Variants in NCKIPSD observed in about 807,000 individuals in gnomAD.
NCKIPSD encodes NCK interacting protein with SH3 domain.
NCKIPSD carries 48 observed loss-of-function variants against 73.4 expected under a neutral mutation model. That is an observed-to-expected ratio of 0.65 (90% CI 0.52 to 0.83). The LOEUF is 0.83. Among genes scored for constraint, NCKIPSD ranks in the 40% least tolerant of loss-of-function variants. The pLI is 0.00. For missense variants in NCKIPSD, 884 were observed against 970.2 expected, an observed-to-expected ratio of 0.91 and a Z score of 1.18; for synonymous variants, 422 against 403.6, an observed-to-expected ratio of 1.05 and a Z score of -0.54.
chr3:48,679,164 G>T lies in NCKIPSD; in HGVS notation c.1590C>A (p.Phe530Leu). 6.2e-7 allele frequency: 1 copy of T among 1,614,090 alleles called. No individual in the cohort carries two copies. Among genetic ancestry groups the T allele is most frequent in the South Asian group, 1.1e-5 (1 of 91,070 alleles). Residue 530 changes from phenylalanine to leucine, a missense_variant, in exon 10 of 13, where the codon TTC (phenylalanine) becomes TTA (leucine). Transcript: ENST00000294129. ...CGACGATGTTCAGTAGGAACTGGGC[G>T]AAAGGCGTGCCCAGGTGCTCTGGGA... ...YAHYEHLGTP[F>L]AQFLLNIVED...
intron 5 of NCKIPSD, 137 bp from the exon 6 acceptor site, chr3:48,680,366 A>G: frequency 1.0e-6 from 1 of 988,576 alleles, no homozygotes; most frequent in Admixed American, 3.1e-5. Context: ...ACTGGACAGG[A>G]GGCTCAACTC....
chr3:48,681,151 A>G (rs1248942928), intron 5 of NCKIPSD, 136 bp downstream of exon 5: 2 of 1,317,488 alleles, frequency 1.5e-6, no homozygotes, highest in Non-Finnish European at 2.0e-6. Context: ...AATCAGCTCA[A>G]CGTCCCCAGT....
Position 48,681,232 on chromosome 3 carries a change from G to A in NCKIPSD, c.1092+55C>T, listed in dbSNP as rs780124669. The stretch of plus-strand genomic sequence containing the variant: ...TAATGTACAGGCTGGACAAGTGTGT[G>A]ACGGTGGGAACAGGGTGGGTAGCAG... On this transcript the variant is annotated intron_variant, in intron 5 of 12. Coordinates refer to ENST00000294129, the MANE Select transcript of NCKIPSD (RefSeq NM_016453.4). The A allele has an allele frequency of 7.9e-6, 12 of 1,516,640 alleles. No individual in the cohort carries two copies. The South Asian group carries it at 1.6e-4, about 20-fold the overall frequency. The allele number at this position is 1,516,640 out of a possible 1,614,324, so 93.9% of individuals were successfully genotyped here.
At position 48,678,558 on chromosome 3, in the gene NCKIPSD, A is replaced by AG. The variant is rs760559846; in HGVS notation, c.1965+5dup. Reference sequence around the variant, plus strand: ...GACCCCCGCTGCTGCAGCCACCTCCAGGCACCTTGTCTCCTGGTGACAGGT... The same window carrying AG: ...GACCCCCGCTGCTGCAGCCACCTCCAGGGCACCTTGTCTCCTGGTGACAGGT... On this transcript the variant is annotated splice_donor_region_variant and intron_variant, in intron 12 of 12. Coordinates refer to ENST00000294129, the MANE Select transcript of NCKIPSD (RefSeq NM_016453.4). The AG allele has an allele frequency of 1.2e-6, 2 of 1,605,676 alleles. No individual in the cohort carries two copies. Among genetic ancestry groups the AG allele is most frequent in the South Asian group, 1.1e-5 (1 of 90,242 alleles).
At chr3:48,676,926 A>G (rs2077264473) in intron 12 of NCKIPSD, among the ~76,000 whole-genome samples, 1 of 151,906 alleles carries the variant, frequency 6.6e-6, no homozygotes, top group Non-Finnish European at 1.5e-5. Context: ...TCCCACCACC[A>G]TACCCAGCTA....
At chr3:48,684,196 A>G (rs1291065934) in intron 1 of NCKIPSD, among the ~76,000 whole-genome samples, 2 of 152,190 alleles carry the variant, frequency 1.3e-5, no homozygotes, top group Non-Finnish European at 1.5e-5. Context: ...AGAGAGGCAC[A>G]GAGTCGCAGC....
At position 48,685,904 on chromosome 3, in the gene NCKIPSD, G is replaced by GCGGTTGTCCCGCCCCGCGGT; in HGVS notation, c.-98_-97insACCGCGGGGCGGGACAACCG. 8.3e-7 allele frequency: 1 copy of GCGGTTGTCCCGCCCCGCGGT among 1,203,356 alleles called. No individual in the cohort carries two copies. Among genetic ancestry groups the GCGGTTGTCCCGCCCCGCGGT allele is most frequent in the South Asian group, 2.1e-5 (1 of 47,450 alleles). The allele number at this position is 1,203,356 out of a possible 1,614,324, so 74.5% of individuals were successfully genotyped here. A position where few individuals can be genotyped will look rare whatever the true frequency, so the allele number is the denominator to read the frequency against. On this transcript the variant is annotated 5_prime_UTR_variant, in exon 1 of 13. Coordinates refer to ENST00000294129, the MANE Select transcript of NCKIPSD (RefSeq NM_016453.4). ...AGCCGCGCCGCGGTTGTCCCGCCCC[G>GCGGTTGTCCCGCCCCGCGGT]TGACACACTACGCAGGCGCGCGCGC...
intron 9 of NCKIPSD, 30 bp downstream of exon 9, chr3:48,679,347 T>C: frequency 1.2e-6 from 2 of 1,613,636 alleles, no homozygotes; most frequent in South Asian, 1.1e-5. Context: ...TTAGGACCTG[T>C]GATCAGCTGG....
intron 12 of NCKIPSD, among the ~76,000 whole-genome samples, chr3:48,676,566 G>A (rs2077259721): frequency 6.6e-6 from 1 of 152,112 alleles, no homozygotes. Context: ...ATGCAGCCTT[G>A]ACCTCCTGGG....
chr3:48,676,172 T>A (rs1014510296), intron 12 of NCKIPSD, among the ~76,000 whole-genome samples: 11 of 152,072 alleles, frequency 7.2e-5, no homozygotes, highest in African/African-American at 2.7e-4. Context: ...TCCCTTAGAG[T>A]AGTAATAATG....
rs1419063277 is a variant in NCKIPSD at position 48,682,123 on chromosome 3, G to C, written c.520C>G (p.Pro174Ala). Residue 174 changes from proline to alanine, a missense_variant, in exon 4 of 13, where the codon CCT becomes GCT. Pro to Ala is a conservative substitution (Grantham distance 27, BLOSUM62 -1). Coordinates refer to ENST00000294129, the MANE Select transcript of NCKIPSD (RefSeq NM_016453.4). The stretch of plus-strand genomic sequence containing the variant: ...GGTGTGGTGGGTGCTGCTCGGCGAG[G>C]CTGTGGTGGGATCTGGGAAGATGGA... The part of the protein sequence containing the change: ...PLPSSQIPPQ[P>A]RRAAPTTPPP... The C allele has an allele frequency of 6.2e-7, 1 of 1,600,470 alleles. No individual in the cohort carries two copies. The highest frequency in any genetic ancestry group is 8.5e-7 in the Non-Finnish European group (1 of 1,179,676).
chr3:48,681,690 G>C lies in NCKIPSD; in HGVS notation c.689C>G (p.Ser230Cys). 1 of 1,593,834 alleles carries C rather than the reference G, an allele frequency of 6.3e-7. No individual in the cohort carries two copies. Among genetic ancestry groups the C allele is most frequent in the Non-Finnish European group, 8.5e-7 (1 of 1,170,322 alleles). ...STSLDTLYTS[S>C]SPSEPGSSCS... ...GCTGGAGCCTGGTTCAGATGGGCTGGAGCTGGTATAGAGCGTGTCCAGGGA... is the reference window on the plus strand; with the variant it reads ...GCTGGAGCCTGGTTCAGATGGGCTGCAGCTGGTATAGAGCGTGTCCAGGGA... Residue 230 changes from serine (S) to cysteine (C), a missense_variant, in exon 5 of 13, where the codon TCC (serine) becomes TGC (cysteine). Ser to Cys is a moderately radical substitution (Grantham distance 112, BLOSUM62 -1). Coordinates refer to ENST00000294129, the MANE Select transcript of NCKIPSD (RefSeq NM_016453.4).
chr3:48,679,649 G>A lies in NCKIPSD; in HGVS notation c.1415C>T (p.Ala472Val). 1.2e-6 allele frequency: 2 copies of A among 1,614,220 alleles called. No homozygotes were observed. The highest frequency in any genetic ancestry group is 1.1e-5 in the South Asian group (1 of 91,086). The stretch of plus-strand genomic sequence containing the variant: ...TGACACAAGCGTGGAGATGATGGCT[G>A]CATCCAGGCTGCACATGGCGCCAAA... ...KCFGAMCSLDAAIISTLVSSV... is the reference protein window; with the variant it reads ...KCFGAMCSLDVAIISTLVSSV... Residue 472 changes from alanine (A) to valine (V), a missense_variant, in exon 8 of 13, where the codon GCA (alanine) becomes GTA (valine). Physicochemically the swap from Ala to Val is moderately conservative, Grantham distance 64. Transcript: ENST00000294129.
chr3:48,680,011 G>C (rs2077324823), intron 6 of NCKIPSD, 48 bp downstream of exon 6: 9 of 1,602,534 alleles, frequency 5.6e-6, no homozygotes, highest in African/African-American at 1.3e-5. Context: ...TACAGGGTGG[G>C]GGCCACTGTT....
chr3:48,676,771 G>A (rs1482791549), intron 12 of NCKIPSD, among the ~76,000 whole-genome samples: 2 of 151,862 alleles, frequency 1.3e-5, no homozygotes, highest in African/African-American at 2.4e-5. Flanking sequence ...GGGATTATAG[G>A]CGTGAGCCAC....
At chr3:48,684,023 G>C (rs1401682399) in intron 1 of NCKIPSD, among the ~76,000 whole-genome samples, 15 of 144,064 alleles carry the variant, frequency 1.0e-4, no homozygotes, top group African/African-American at 1.4e-4. Flanking sequence ...CACACACAGA[G>C]AGAGAGAGAA....
rs200022611 is a variant in NCKIPSD at position 48,678,758 on chromosome 3, G to A, written c.1793-22C>T. On this transcript the variant is annotated intron_variant, in intron 11 of 12. Coordinates refer to ENST00000294129, the MANE Select transcript of NCKIPSD (RefSeq NM_016453.4). ...TCATCTAGGAGGCAGGGGTCATAGC[G>A]GTCAGGGTGGACCTTGTGGGGATCC... The A allele has an allele frequency of 2.5e-5, 41 of 1,611,948 alleles. 1 individual carries two copies. In the African/African-American group the frequency reaches 4.3e-4, roughly 17 times the overall value.
Position 48,681,116 on chromosome 3 carries a change from G to A in NCKIPSD, c.1092+171C>T, listed in dbSNP as rs760152017. 8 of 1,058,994 alleles carry A rather than the reference G, an allele frequency of 7.6e-6. No individual in the cohort carries two copies. In the Admixed American group the frequency reaches 1.5e-4, roughly 20 times the overall value. The allele number at this position is 1,058,994 out of a possible 1,614,324, so 65.6% of individuals were successfully genotyped here. On this transcript the variant is annotated intron_variant, in intron 5 of 12. Transcript: ENST00000294129. ...TCCAGGCTGCGCATCTGCCTGGAAT[G>A]CTTGTCCTTCCTTTCTGCTTCAGAA...
chr3:48,683,024 A>T lies in NCKIPSD; in HGVS notation c.172-12T>A. ...TCCTGCTCCAGGCCCTGGGGGGGGC[A>T]GGGGACAGCAGTTAGACCTGAAGGC... On this transcript the variant is annotated splice_polypyrimidine_tract_variant and intron_variant, in intron 1 of 12. Coordinates refer to ENST00000294129, the MANE Select transcript of NCKIPSD (RefSeq NM_016453.4). 1 of 1,548,890 alleles carries T rather than the reference A, an allele frequency of 6.5e-7. No individual in the cohort carries two copies. The highest frequency in any genetic ancestry group is 1.2e-5 in the South Asian group (1 of 84,038).
Sources: allele counts gnomAD v4.1 joint callset (sites outside exome capture counted in the v4.1 genomes callset), GRCh38; gene constraint gnomAD v4.1.1; transcripts MANE v1.5; gene names NCBI Gene and HGNC (gene_info 2026-07-23, HGNC 2026-07-21).